Variants in GOPC observed in about 807,000 individuals in gnomAD.
GOPC encodes golgi associated PDZ and coiled-coil motif containing, also known as Golgi-associated PDZ and coiled-coil motif-containing protein.
In GOPC, 32 loss-of-function variants were observed where a neutral mutation model predicts 51.2. The observed-to-expected ratio is 0.63, with a 90% CI of 0.47 to 0.84. The LOEUF (loss-of-function observed/expected upper bound fraction) is 0.84, where lower values mean the gene tolerates loss of function less well. GOPC is among the 40% of genes least tolerant of loss of function. The pLI is 0.00. For missense variants in GOPC, 441 were observed against 555.5 expected (o/e 0.79, Z 2.07); for synonymous variants, 190 against 205.1 (o/e 0.93, Z 0.63).
intron 1 of GOPC, among the ~76,000 whole-genome samples, chr6:117,600,072 AAAG>A (rs1238596619): frequency 6.6e-6 from 1 of 152,224 alleles, no homozygotes. Flanking sequence ...GGTAATTTAT[AAAG>A]AAAAGGAATG....
intron 1 of GOPC, among the ~76,000 whole-genome samples, chr6:117,583,844 G>A (rs1339132491): frequency 6.6e-6 from 1 of 152,088 alleles, no homozygotes; most frequent in Non-Finnish European, 1.5e-5. Context: ...ATTTAACAAA[G>A]TGTTATCCTT....
chr6:117,575,894 T>C (rs921488389), intron 3 of GOPC, among the ~76,000 whole-genome samples: 7 of 152,114 alleles, frequency 4.6e-5, no homozygotes, highest in Non-Finnish European at 7.4e-5. Context: ...AAACCTACCT[T>C]AGCACCAGAG....
chr6:117,574,259 TAAAAAA>T (rs879696961), intron 4 of GOPC, among the ~76,000 whole-genome samples: 1 of 140,488 alleles, frequency 7.1e-6, no homozygotes, highest in Non-Finnish European at 1.6e-5. Flanking sequence ...TCACAAAATT[TAAAAAA>T]AAAAAAAAGT....
At chr6:117,593,366 TTTTTCTATA>T (rs1780147622) in intron 1 of GOPC, among the ~76,000 whole-genome samples, 1 of 152,234 alleles carries the variant, frequency 6.6e-6, no homozygotes, top group Admixed American at 6.5e-5. Flanking sequence ...TACCCCACTC[TTTTTCTATA>T]TTTGGCTTTT....
intron 8 of GOPC, among the ~76,000 whole-genome samples, chr6:117,565,940 T>C (rs144449191): frequency 6.8e-4 from 104 of 152,322 alleles, no homozygotes; most frequent in African/African-American, 2.4e-3. Context: ...AAGTGCTTTA[T>C]GCATACTTCC....
intron 1 of GOPC, among the ~76,000 whole-genome samples, chr6:117,598,267 G>C (rs1780231827): frequency 6.6e-6 from 1 of 151,884 alleles, no homozygotes; most frequent in African/African-American, 2.4e-5. Flanking sequence ...CAAGCTACTT[G>C]GGAGGCTGAA....
In GOPC at chr6:117,563,521, A is replaced by G. The variant is rs938840215; in HGVS notation, c.1259-137T>C. 28 of 737,226 alleles carry G rather than the reference A, an allele frequency of 3.8e-5. No homozygotes were observed. The Admixed American group carries it at 4.5e-4, about 12-fold the overall frequency. 45.7% of individuals were successfully genotyped at this position (737,226 alleles called of 1,614,324 possible). A position where few individuals can be genotyped will look rare whatever the true frequency, so the allele number is the denominator to read the frequency against. On this transcript the variant is annotated intron_variant, in intron 8 of 8. Transcript: ENST00000368498. ...TGGATAACCTGAGGTTAGGGGTTCG[A>G]GACCAGCCTGGACAATGTGGTGAAA... is the stretch of plus-strand genomic sequence containing the variant.
In GOPC at chr6:117,602,460, G is replaced by A. The variant is rs1772035905; in HGVS notation, c.-172C>T. 3.1e-6 allele frequency: 2 copies of A among 648,462 alleles called. No homozygotes were observed. Among genetic ancestry groups the A allele is most frequent in the South Asian group, 3.9e-5 (2 of 50,922 alleles). 40.2% of individuals were successfully genotyped at this position (648,462 alleles called of 1,614,324 possible). On this transcript the variant is annotated 5_prime_UTR_variant, in exon 1 of 9. Coordinates refer to ENST00000368498, the MANE Select transcript of GOPC (RefSeq NM_020399.4). ...GTCACAGAACCGCAGGAGTAACGAG[G>A]CTGAAGCTGAGGCGGCAACGGCGGC...
intron 1 of GOPC, among the ~76,000 whole-genome samples, chr6:117,584,633 C>T (rs4946267): frequency 0.46 from 69,707 of 151,674 alleles, 16,812 homozygotes; most frequent in South Asian, 0.63. Flanking sequence ...AGAAGCTCTC[C>T]TAACCCTGTC....
At position 117,578,930 on chromosome 6, in the gene GOPC, A is replaced by C. The variant is rs750262101; in HGVS notation, c.420T>G (p.Ser140Arg). 6.2e-7 allele frequency: 1 copy of C among 1,607,332 alleles called. No homozygotes were observed. The highest frequency in any genetic ancestry group is 8.5e-7 in the Non-Finnish European group (1 of 1,177,566). Reference sequence around the variant, plus strand: ...TTGCCTTAATGGTACCAGAGTCAGCACTTTGACCAGTTTTAGCATGAAGCT... The same window carrying C: ...TTGCCTTAATGGTACCAGAGTCAGCCCTTTGACCAGTTTTAGCATGAAGCT... Reference protein sequence around the residue: ...QLQLHAKTGQSADSGTIKAKL... With the variant: ...QLQLHAKTGQRADSGTIKAKL... The change falls in exon 2 of 9, where the codon AGT (serine) becomes AGG (arginine). Residue 140 changes from serine to arginine, a missense_variant. By Grantham distance (110) the Ser-to-Arg change is moderately radical. Around this residue, in one of 3 missense-constraint regions of GOPC, gnomAD observed 204 missense variants for 219.8 expected, o/e 0.93. Coordinates refer to ENST00000368498, the MANE Select transcript of GOPC (RefSeq NM_020399.4).
Position 117,563,077 on chromosome 6 carries a change from C to T in GOPC, c.*177G>A. ...CATGCAATAGCTAATTATGGTCTAC[C>T]ACAGAAAACAGGGTGTTTTATGCAT... On this transcript the variant is annotated 3_prime_UTR_variant, in exon 9 of 9. Coordinates refer to ENST00000368498, the MANE Select transcript of GOPC (RefSeq NM_020399.4). The T allele has an allele frequency of 1.7e-6, 1 of 574,634 alleles. No individual in the cohort carries two copies. Among genetic ancestry groups the T allele is most frequent in the Non-Finnish European group, 3.1e-6 (1 of 325,602 alleles). The allele number at this position is 574,634 out of a possible 1,614,324, so 35.6% of individuals were successfully genotyped here. A position where few individuals can be genotyped will look rare whatever the true frequency, so the allele number is the denominator to read the frequency against.
chr6:117,566,646 G>C (rs1224914951), intron 8 of GOPC, among the ~76,000 whole-genome samples: 3 of 152,048 alleles, frequency 2.0e-5, no homozygotes, highest in Non-Finnish European at 4.4e-5. Flanking sequence ...TAATGTACTT[G>C]TCTTAACAGT....
chr6:117,566,633 T>G (rs1583049586), intron 8 of GOPC, among the ~76,000 whole-genome samples: 1 of 152,158 alleles, frequency 6.6e-6, no homozygotes, highest in Non-Finnish European at 1.5e-5. Flanking sequence ...GTAGAGTAAC[T>G]GGTAATGTAC....
At chr6:117,587,728 T>C (rs1013515835) in intron 1 of GOPC, among the ~76,000 whole-genome samples, 1 of 152,158 alleles carries the variant, frequency 6.6e-6, no homozygotes, top group Non-Finnish European at 1.5e-5. Flanking sequence ...TTTTTCACTA[T>C]GTTGACATAC....
At chr6:117,601,915 A>T in intron 1 of GOPC, 89 bp downstream of exon 1, 1 of 1,413,504 alleles carries the variant, frequency 7.1e-7, no homozygotes, top group Admixed American at 2.1e-5. Flanking sequence ...GCAGTTTTCT[A>T]GGGTCGTTTC....
In GOPC at chr6:117,560,367, A is replaced by G. The variant is rs1186066700; in HGVS notation, c.*2887T>C. 1.6e-5 allele frequency: 3 copies of G among 182,720 alleles called. No individual in the cohort carries two copies. The East Asian group carries it at 2.7e-4, about 16-fold the overall frequency. 11.3% of individuals were successfully genotyped at this position (182,720 alleles called of 1,614,324 possible). The stretch of plus-strand genomic sequence containing the variant: ...TTTATTTACAGGCTAATAAAAAAAT[A>G]TTAAACTCAACTAGATATAATACAT... On this transcript the variant is annotated 3_prime_UTR_variant, in exon 9 of 9. Transcript: ENST00000368498.
chr6:117,581,096 G>C (rs571443235), intron 1 of GOPC, among the ~76,000 whole-genome samples: 1 of 152,066 alleles, frequency 6.6e-6, no homozygotes, highest in Non-Finnish European at 1.5e-5. Context: ...ATAATCAACA[G>C]GAAATATTCC....
chr6:117,599,440 T>C (rs1269509715), intron 1 of GOPC, among the ~76,000 whole-genome samples: 1 of 152,218 alleles, frequency 6.6e-6, no homozygotes, highest in African/African-American at 2.4e-5. Context: ...CAAGTCTACT[T>C]TGAAAGGCAC....
rs1583044729 is a variant in GOPC, at chr6:117,560,561, A to C, written c.*2693T>G. On this transcript the variant is annotated 3_prime_UTR_variant, in exon 9 of 9. Coordinates refer to ENST00000368498, the MANE Select transcript of GOPC (RefSeq NM_020399.4). ...CATAAGTCCACTGCAGTGGGGAAAA[A>C]AACAGCACCACAGACAAGCTGTGCT... 1.0e-5 allele frequency: 2 copies of C among 193,786 alleles called. No homozygotes were observed. The highest frequency in any genetic ancestry group is 1.6e-4 in the East Asian group (2 of 12,280). The allele number at this position is 193,786 out of a possible 1,614,324, so 12.0% of individuals were successfully genotyped here. A position where few individuals can be genotyped will look rare whatever the true frequency, so the allele number is the denominator to read the frequency against.
Sources: gnomAD v4.1 joint callset for allele counts (sites outside exome capture counted in the v4.1 genomes callset) on GRCh38, gnomAD v4.1.1 for gene constraint, gnomAD v4.1.1 regional missense constraint, MANE v1.5 for transcripts, NCBI Gene and HGNC (gene_info 2026-07-23, HGNC 2026-07-21) for gene names.